Variants in LONP2 observed in about 807,000 individuals in gnomAD.
The protein encoded by LONP2 is lon protease homolog 2, peroxisomal.
A neutral mutation model predicts 85.6 loss-of-function variants in LONP2; 60 were observed. The ratio of observed to expected loss-of-function variants is 0.70; its 90% confidence interval spans 0.57 to 0.87. LONP2 has a LOEUF of 0.87. LONP2 is among the 40% of genes least tolerant of loss of function. The probability of loss-of-function intolerance (pLI) is 0.00; values close to 1 mark genes in which losing one functional copy is unlikely to be tolerated. For missense variants in LONP2, 860 were observed against 1,063.5 expected (o/e 0.81, Z 2.66); for synonymous variants, 395 against 389.7 (o/e 1.01, Z -0.16).
At chr16:48,330,138 T>C (rs1004447746) in intron 11 of LONP2, among the ~76,000 whole-genome samples, 2 of 152,286 alleles carry the variant, frequency 1.3e-5, no homozygotes, top group Non-Finnish European at 2.9e-5. Context: ...TCTTAAACTT[T>C]ACTAGTTATT....
intron 2 of LONP2, among the ~76,000 whole-genome samples, chr16:48,256,219 C>A (rs1162172573): frequency 6.6e-6 from 1 of 152,150 alleles, no homozygotes; most frequent in Admixed American, 6.5e-5. Flanking sequence ...AGAAAGCAAA[C>A]ATGGCAAAAT....
At chr16:48,279,724 AC>A (rs1264215750) in intron 8 of LONP2, among the ~76,000 whole-genome samples, 39 of 152,302 alleles carry the variant, frequency 2.6e-4, no homozygotes, top group Middle Eastern at 3.4e-3. Context: ...TTATTTTAGC[AC>A]ATCAGCCCCT....
chr16:48,309,919 A>G (rs1340336003), intron 11 of LONP2, among the ~76,000 whole-genome samples: 1 of 151,870 alleles, frequency 6.6e-6, no homozygotes, highest in Non-Finnish European at 1.5e-5. Context: ...GAAGTCCCAC[A>G]TTTTGTATTG....
intron 8 of LONP2, 121 bp downstream of exon 8, chr16:48,277,600 A>G: frequency 1.0e-6 from 1 of 955,640 alleles, no homozygotes; most frequent in East Asian, 3.0e-5. Context: ...ACAGTTTGAT[A>G]CCGGCTGAGG....
At chr16:48,291,716 G>GT (rs1972560243) in intron 8 of LONP2, among the ~76,000 whole-genome samples, 1 of 152,214 alleles carries the variant, frequency 6.6e-6, no homozygotes, top group African/African-American at 2.4e-5. Context: ...AGAAGATGAG[G>GT]TTTGATAGCT....
At chr16:48,322,423 C>T (rs536480810) in intron 11 of LONP2, among the ~76,000 whole-genome samples, 1 of 152,342 alleles carries the variant, frequency 6.6e-6, no homozygotes, top group African/African-American at 2.4e-5. Flanking sequence ...TTCAGTTTCA[C>T]TGTCTTCCAC....
At chr16:48,292,120 T>A (rs1023219127) in intron 8 of LONP2, among the ~76,000 whole-genome samples, 13 of 152,236 alleles carry the variant, frequency 8.5e-5, no homozygotes, top group Admixed American at 7.9e-4. Context: ...GACGCATTCA[T>A]CTAGCTTAGT....
At chr16:48,344,274 A>G (rs1366735605) in intron 12 of LONP2, 3 of 152,054 alleles carry the variant, frequency 2.0e-5, no homozygotes, top group Admixed American at 6.5e-5. Context: ...AAAGAATATG[A>G]CTCCAAGTCT....
At chr16:48,290,979 C>T (rs1277184054) in intron 8 of LONP2, among the ~76,000 whole-genome samples, 6 of 152,206 alleles carry the variant, frequency 3.9e-5, no homozygotes, top group Non-Finnish European at 8.8e-5. Context: ...CAAAATGATA[C>T]TTATCACTTT....
rs1960306708 is a variant in LONP2, at chr16:48,355,462, C to T, written c.*3660C>T. ...GCCAGCACGCTGATCGTGGGCTTCT[C>T]AGTCTTCACAACTATGAGAAATAAA... On this transcript the variant is annotated 3_prime_UTR_variant, in exon 15 of 15. Transcript: ENST00000285737. 1 of 152,228 alleles carries T rather than the reference C, an allele frequency of 6.6e-6. No homozygotes were observed. Among genetic ancestry groups the T allele is most frequent in the African/African-American group, 2.4e-5 (1 of 41,454 alleles). 9.4% of individuals were successfully genotyped at this position (152,228 alleles called of 1,614,324 possible). A position where few individuals can be genotyped will look rare whatever the true frequency, so the allele number is the denominator to read the frequency against.
intron 4 of LONP2, among the ~76,000 whole-genome samples, chr16:48,260,059 C>T (rs2075794049): frequency 6.6e-6 from 1 of 152,030 alleles, no homozygotes; most frequent in African/African-American, 2.4e-5. Flanking sequence ...AGGAAAAATG[C>T]ATTAAAAAGT....
chr16:48,327,742 A>G (rs1959290131), intron 11 of LONP2, among the ~76,000 whole-genome samples: 1 of 152,118 alleles, frequency 6.6e-6, no homozygotes, highest in Non-Finnish European at 1.5e-5. Flanking sequence ...ATAGGTGTGA[A>G]CCACCACGCC....
intron 8 of LONP2, among the ~76,000 whole-genome samples, chr16:48,290,818 A>C (rs1047204859): frequency 6.6e-6 from 1 of 151,876 alleles, no homozygotes; most frequent in African/African-American, 2.4e-5. Flanking sequence ...TTGGTGATCA[A>C]CTCAACTCTT....
chr16:48,318,045 C>T (rs1300935871), intron 11 of LONP2, among the ~76,000 whole-genome samples: 1 of 151,750 alleles, frequency 6.6e-6, no homozygotes, highest in Non-Finnish European at 1.5e-5. Flanking sequence ...ATGTGGTACT[C>T]CCGGGATGTG....
intron 8 of LONP2, among the ~76,000 whole-genome samples, chr16:48,284,309 G>A (rs1383455682): frequency 2.0e-5 from 3 of 152,192 alleles, no homozygotes; most frequent in Non-Finnish European, 4.4e-5. Flanking sequence ...AACAGGGTTT[G>A]AAAGGATTGA....
At chr16:48,361,784 G>T (rs775305196), downstream of LONP2, 3 of 1,614,142 alleles carry the variant, frequency 1.9e-6, no homozygotes, top group South Asian at 3.3e-5. Context: ...CAGCTTGCTT[G>T]CGTGTTCCTA....
chr16:48,279,425 C>T (rs1015302635), intron 8 of LONP2, among the ~76,000 whole-genome samples: 7 of 151,998 alleles, frequency 4.6e-5, no homozygotes, highest in Middle Eastern at 3.4e-3. Context: ...GAGAAGACTT[C>T]CTGTCTCTTG....
intron 9 of LONP2, among the ~76,000 whole-genome samples, chr16:48,298,451 A>G (rs1484870900): frequency 2.0e-5 from 3 of 152,098 alleles, no homozygotes; most frequent in Admixed American, 2.0e-4. Flanking sequence ...GCACACATAT[A>G]TAAATACATA....
Position 48,334,282 on chromosome 16 carries a change from T to TA in LONP2, c.1863dup (p.Pro622ThrfsTer3). 6.2e-7 allele frequency: 1 copy of TA among 1,614,062 alleles called. No homozygotes were observed. The highest frequency in any genetic ancestry group is 8.5e-7 in the Non-Finnish European group (1 of 1,179,884). On this transcript the variant is annotated frameshift_variant, in exon 12 of 15. Transcript: ENST00000285737. LOFTEE classifies it high-confidence loss of function. ...ATCAGTGACACTACTGACTTGGCTC[T>TA]ACCACCTGAAATGCCGATTTTGATT...
Sources: allele counts gnomAD v4.1 joint callset (sites outside exome capture counted in the v4.1 genomes callset), GRCh38; gene constraint gnomAD v4.1.1; transcripts MANE v1.5; gene names NCBI Gene and HGNC (gene_info 2026-07-23, HGNC 2026-07-21).